The following CSMD1 variants were observed in gnomAD, a reference collection of about 807,000 sequenced individuals.
The protein encoded by CSMD1 is CUB and sushi domain-containing protein 1.
In CSMD1, 213 loss-of-function variants were observed where a neutral mutation model predicts 417.5. The ratio of observed to expected loss-of-function variants is 0.51; its 90% confidence interval spans 0.46 to 0.57. The LOEUF is 0.57. Ranked by LOEUF, CSMD1 falls within the 20% of genes least tolerant of loss-of-function variation. The probability of loss-of-function intolerance (pLI) is 0.00; values close to 1 mark genes in which losing one functional copy is unlikely to be tolerated. For synonymous variants in CSMD1, 2,862 were observed against 1,736.8 expected (o/e 1.65, Z -16.11); for missense variants, 6,923 against 4,529.7 (o/e 1.53, Z -15.17).
intron 3 of CSMD1, among the ~76,000 whole-genome samples, chr8:4,263,293 C>A (rs551935178): frequency 1.3e-5 from 2 of 152,084 alleles, no homozygotes; most frequent in Non-Finnish European, 2.9e-5. Flanking sequence ...ATGTACGGTA[C>A]AGATTTACTC....
In CSMD1 at chr8:3,038,788, C is replaced by T. The variant is rs193124028; in HGVS notation, c.7661-9275G>A. 4.6e-5 allele frequency among the ~76,000 whole-genome samples: 7 copies of T among 152,164 alleles called. No homozygotes were observed. The East Asian group carries it at 1.4e-3, about 29-fold the overall frequency. On this transcript the variant is annotated intron_variant, in intron 50 of 69. Coordinates refer to ENST00000635120, the MANE Select transcript of CSMD1 (RefSeq NM_033225.6). ...ATAAGAATATATCCACATACTCAAG[C>T]GTAATTTGTTGATTATGATGAAGAC... is the stretch of plus-strand genomic sequence containing the variant.
intron 11 of CSMD1, among the ~76,000 whole-genome samples, chr8:3,478,267 C>T (rs1024221293): frequency 2.0e-5 from 3 of 152,144 alleles, no homozygotes; most frequent in Admixed American, 6.5e-5. Flanking sequence ...TGCGGAACTG[C>T]GTGAAAAAGA....
At chr8:4,156,648 G>A (rs1005301424) in intron 3 of CSMD1, among the ~76,000 whole-genome samples, 12 of 152,068 alleles carry the variant, frequency 7.9e-5, no homozygotes, top group African/African-American at 2.7e-4. Flanking sequence ...GGTGATACCA[G>A]GTACCCATCT....
In CSMD1 at chr8:3,613,940, A is replaced by T. The variant is rs115277058; in HGVS notation, c.1097+2770T>A. Among the ~76,000 whole-genome samples, 1,408 of 152,116 alleles carry T rather than the reference A, an allele frequency of 9.3e-3. 29 individuals carry two copies. The highest frequency in any genetic ancestry group is 0.033 in the African/African-American group (1,351 of 41,482). ...ATACATTTAAAGAAGAAAAAGAAATAAAAAAAATCCGATTGGAAAGCAAAA... is the reference window on the plus strand; with the variant it reads ...ATACATTTAAAGAAGAAAAAGAAATTAAAAAAATCCGATTGGAAAGCAAAA... On this transcript the variant is annotated intron_variant, in intron 8 of 69. Coordinates refer to ENST00000635120, the MANE Select transcript of CSMD1 (RefSeq NM_033225.6).
intron 11 of CSMD1, among the ~76,000 whole-genome samples, chr8:3,478,121 A>C (rs1228576277): frequency 1.3e-5 from 2 of 152,244 alleles, no homozygotes; most frequent in Non-Finnish European, 2.9e-5. Flanking sequence ...GCCTCACTCA[A>C]GTATGGCAGA....
chr8:3,591,529 AT>A (rs1800844334), intron 8 of CSMD1, among the ~76,000 whole-genome samples: 1 of 152,196 alleles, frequency 6.6e-6, no homozygotes, highest in African/African-American at 2.4e-5. Context: ...GATTAAACTA[AT>A]GTTCAAAACA....
intron 3 of CSMD1, among the ~76,000 whole-genome samples, chr8:4,126,979 G>A (rs902278765): frequency 6.6e-6 from 1 of 152,054 alleles, no homozygotes; most frequent in Non-Finnish European, 1.5e-5. Flanking sequence ...AGCTGATGCT[G>A]GTGCACATTC....
intron 50 of CSMD1, among the ~76,000 whole-genome samples, chr8:3,040,829 T>G (rs887721013): frequency 6.6e-6 from 1 of 152,080 alleles, no homozygotes; most frequent in Non-Finnish European, 1.5e-5. Context: ...GATTATAAAT[T>G]AATAGATGAT....
chr8:3,340,985 A>G (rs1390108131), intron 23 of CSMD1, among the ~76,000 whole-genome samples: 1 of 152,236 alleles, frequency 6.6e-6, no homozygotes, highest in Non-Finnish European at 1.5e-5. Flanking sequence ...CATTTGTGCT[A>G]CTATGTAATC....
chr8:3,948,840 G>A (rs1307681131), intron 5 of CSMD1, among the ~76,000 whole-genome samples: 2 of 151,970 alleles, frequency 1.3e-5, no homozygotes, highest in Admixed American at 1.3e-4. Context: ...TATTTGCAAG[G>A]GGTATCCAAT....
Position 3,979,297 on chromosome 8 carries a change from T to G in CSMD1, c.818+18606A>C, listed in dbSNP as rs1455834023. ...GCAATGTGCTCTAATTTGTTCTGGA[T>G]GTAGTAACAGAGGTGTGAATCAGGT... On this transcript the variant is annotated intron_variant, in intron 5 of 69. Coordinates refer to ENST00000635120, the MANE Select transcript of CSMD1 (RefSeq NM_033225.6). 2.6e-5 allele frequency among the ~76,000 whole-genome samples: 4 copies of G among 152,204 alleles called. No homozygotes were observed. The East Asian group carries it at 5.8e-4, about 22-fold the overall frequency.
intron 1 of CSMD1, among the ~76,000 whole-genome samples, chr8:4,959,483 T>G (rs1029234185): frequency 6.6e-6 from 1 of 152,236 alleles, no homozygotes; most frequent in Non-Finnish European, 1.5e-5. Context: ...CAGGATATCC[T>G]GTTTGTTCTA....
chr8:4,102,561 G>C (rs560832746), intron 3 of CSMD1, among the ~76,000 whole-genome samples: 26 of 150,760 alleles, frequency 1.7e-4, no homozygotes, highest in African/African-American at 5.4e-4. Context: ...TATCACAGGA[G>C]GCTGACTCCC....
intron 9 of CSMD1, among the ~76,000 whole-genome samples, chr8:3,582,267 T>C (rs1800415395): frequency 6.6e-6 from 1 of 152,196 alleles, no homozygotes; most frequent in South Asian, 2.1e-4. Context: ...CGTTATCTTT[T>C]TATAAAAAGT....
chr8:3,782,230 A>G (rs973733008), intron 5 of CSMD1, among the ~76,000 whole-genome samples: 1 of 152,210 alleles, frequency 6.6e-6, no homozygotes, highest in African/African-American at 2.4e-5. Flanking sequence ...AATCTATGTC[A>G]GTCACCAGGA....
intron 3 of CSMD1, among the ~76,000 whole-genome samples, chr8:4,222,851 C>A (rs1437281695): frequency 6.6e-6 from 1 of 151,896 alleles, no homozygotes; most frequent in Non-Finnish European, 1.5e-5. Context: ...ACCATGAGGA[C>A]AATTAATTTG....
chr8:3,410,090 A>G (rs973596101), intron 12 of CSMD1, among the ~76,000 whole-genome samples: 5 of 152,250 alleles, frequency 3.3e-5, no homozygotes, highest in African/African-American at 9.6e-5. Context: ...AGCAGAATGA[A>G]TAACAGTTTG....
At chr8:3,312,245 CT>C (rs2117421519) in intron 23 of CSMD1, among the ~76,000 whole-genome samples, 1 of 152,266 alleles carries the variant, frequency 6.6e-6, no homozygotes, top group African/African-American at 2.4e-5. Context: ...TAAACTACAC[CT>C]TGTCATACAG....
chr8:3,884,716 C>A (rs978830614), intron 5 of CSMD1, among the ~76,000 whole-genome samples: 3 of 151,936 alleles, frequency 2.0e-5, no homozygotes, highest in Admixed American at 1.3e-4. Flanking sequence ...AGAAAATGTC[C>A]ATGATTGGCC....
Sources: gnomAD v4.1 joint callset for allele counts (sites outside exome capture counted in the v4.1 genomes callset) on GRCh38, gnomAD v4.1.1 for gene constraint, MANE v1.5 for transcripts, NCBI Gene and HGNC (gene_info 2026-07-23, HGNC 2026-07-21) for gene names.